Variants in MYO18A observed in about 807,000 individuals in gnomAD.
MYO18A encodes the protein myosin XVIIIA, also known as unconventional myosin-XVIIIa.
MYO18A carries 78 observed loss-of-function variants against 235.8 expected under a neutral mutation model. That is an observed-to-expected ratio of 0.33 (90% CI 0.28 to 0.40). The LOEUF (loss-of-function observed/expected upper bound fraction) is 0.40. Ranked by LOEUF, MYO18A falls within the 10% of genes least tolerant of loss-of-function variation. The probability of loss-of-function intolerance (pLI) is 1.00; values close to 1 mark genes in which losing one functional copy is unlikely to be tolerated. For synonymous variants in MYO18A, 977 were observed against 1,077.8 expected (o/e 0.91, Z 1.83); for missense variants, 2,215 against 2,699.3 (o/e 0.82, Z 3.98).
At chr17:29,142,179 G>A (rs1449325017) in intron 2 of MYO18A, among the ~76,000 whole-genome samples, 2 of 152,182 alleles carry the variant, frequency 1.3e-5, no homozygotes, top group Non-Finnish European at 2.9e-5. Flanking sequence ...TGATCCGCCC[G>A]CCTTGGCCTC....
At chr17:29,170,257 C>A (rs1377822055) in intron 1 of MYO18A, among the ~76,000 whole-genome samples, 2 of 152,204 alleles carry the variant, frequency 1.3e-5, no homozygotes, top group African/African-American at 4.8e-5. Context: ...CCCTCACCAC[C>A]CCTGTCCTGC....
intron 32 of MYO18A, among the ~76,000 whole-genome samples, 156 bp from the exon 33 acceptor site, chr17:29,093,157 G>A (rs1174096733): frequency 6.6e-6 from 1 of 152,160 alleles, no homozygotes; most frequent in East Asian, 1.9e-4. Flanking sequence ...GGCTGGGTGT[G>A]CCAATGTATG....
At chr17:29,085,527 C>T (rs2066231970) in intron 40 of MYO18A, 77 bp downstream of exon 40, 1 of 1,387,210 alleles carries the variant, frequency 7.2e-7, no homozygotes, top group Non-Finnish European at 1.0e-6. Flanking sequence ...TGCAGCGGCC[C>T]CAGGGTGGGA....
chr17:29,115,857 G>A lies in MYO18A; in HGVS notation c.2051-17C>T, dbSNP rs200222100. 47 of 1,566,516 alleles carry A rather than the reference G, an allele frequency of 3.0e-5. 1 individual carries two copies. In the African/African-American group the frequency reaches 5.6e-4, roughly 19 times the overall value. On this transcript the variant is annotated splice_polypyrimidine_tract_variant and intron_variant, in intron 11 of 41. Transcript: ENST00000527372. The stretch of plus-strand genomic sequence containing the variant: ...TGCGCCCAGCTGTGGAGTGGAAAAA[G>A]GGATCTGGCATCCTGGGTCTTTTTC...
intron 2 of MYO18A, among the ~76,000 whole-genome samples, chr17:29,154,099 A>AGT (rs200703096): frequency 0.017 from 2,501 of 149,368 alleles, 71 homozygotes; most frequent in African/African-American, 0.059. Flanking sequence ...TAAATTCTGC[A>AGT]GAGTGTGTGT....
chr17:29,083,509 C>T (rs1288101671), intron 40 of MYO18A, among the ~76,000 whole-genome samples: 1 of 121,056 alleles, frequency 8.3e-6, no homozygotes, highest in Non-Finnish European at 1.7e-5. Flanking sequence ...TAAACAGCCA[C>T]ACAGGCATGT....
At chr17:29,145,483 T>C (rs1193515555) in intron 2 of MYO18A, among the ~76,000 whole-genome samples, 1 of 152,190 alleles carries the variant, frequency 6.6e-6, no homozygotes, top group African/African-American at 2.4e-5. Context: ...CGTTCACTTA[T>C]TCAACTAGCT....
rs567671547 is a variant in MYO18A at position 29,111,859 on chromosome 17, C to T, written c.2603G>A (p.Arg868His). Reference protein sequence around the residue: ...VDQASHQSLVRSLARTDEARG... With the variant: ...VDQASHQSLVHSLARTDEARG... ...CGCCTCGTCTGTGCGGGCCAGCGAG[C>T]GGACCTACAGAGAAGGAAGGAAATC... Residue 868 changes from arginine (R) to histidine (H), a missense_variant, in exon 16 of 42, where the codon CGC (arginine) becomes CAC (histidine). By Grantham distance (29) the Arg-to-His change is conservative. Transcript: ENST00000527372. This position sits in a 1 kb window ranked among gnomAD's most constrained non-coding sequence, Gnocchi z 5.1. 1.2e-5 allele frequency: 19 copies of T among 1,610,646 alleles called. No individual in the cohort carries two copies. The South Asian group carries it at 1.5e-4, about 13-fold the overall frequency.
At chr17:29,089,704 C>G (rs1043832729) in intron 37 of MYO18A, among the ~76,000 whole-genome samples, 6 of 152,152 alleles carry the variant, frequency 3.9e-5, no homozygotes, top group Non-Finnish European at 7.4e-5. Context: ...AATATGAAGA[C>G]GAAGAGCTAA....
chr17:29,170,457 C>T (rs1269074342), intron 1 of MYO18A, among the ~76,000 whole-genome samples: 2 of 152,306 alleles, frequency 1.3e-5, no homozygotes, highest in East Asian at 1.9e-4. Flanking sequence ...CTTTCCGGCA[C>T]CTCCTGGCCT....
intron 1 of MYO18A, among the ~76,000 whole-genome samples, chr17:29,178,290 G>A (rs1567654165): frequency 6.6e-6 from 1 of 152,146 alleles, no homozygotes; most frequent in Non-Finnish European, 1.5e-5. Context: ...CAGGCCAGGA[G>A]AGAGTAAACA....
chr17:29,121,831 C>G lies in MYO18A; in HGVS notation c.1194+20G>C, dbSNP rs2067207538. On this transcript the variant is annotated intron_variant, in intron 4 of 41. Transcript: ENST00000527372. This position sits in a 1 kb window ranked among gnomAD's most constrained non-coding sequence, Gnocchi z 4.2. The stretch of plus-strand genomic sequence containing the variant: ...CACTCCTGAGCCTCCTCCCCCACAC[C>G]CAGCCCCCTGCCCACCTACCTTCTC... 6.2e-7 allele frequency: 1 copy of G among 1,613,464 alleles called. No homozygotes were observed. The highest frequency in any genetic ancestry group is 1.3e-5 in the African/African-American group (1 of 74,918).
Position 29,109,897 on chromosome 17 carries a change from C to G in MYO18A, c.3292G>C (p.Gly1098Arg). 1 of 1,574,200 alleles carries G rather than the reference C, an allele frequency of 6.4e-7. No individual in the cohort carries two copies. The highest frequency in any genetic ancestry group is 8.6e-7 in the Non-Finnish European group (1 of 1,159,898). Residue 1098 changes from glycine to arginine, a missense_variant, in exon 19 of 42, where the codon GGC (glycine) becomes CGC (arginine). Gly to Arg is a moderately radical substitution (Grantham distance 125). Transcript: ENST00000527372. The surrounding 1 kb of genome is among the most constrained non-coding windows in gnomAD (Gnocchi z 4.1). Reference protein sequence around the residue: ...DVPLLRTQLRGSRLLDAMRMY... With the variant: ...DVPLLRTQLRRSRLLDAMRMY... ...CGCATGGCATCGAGCAGGCGGGAGC[C>G]GCGGAGCTGGGTGCGGAGCAGGGGC...
At position 29,121,182 on chromosome 17, in the gene MYO18A, C is replaced by T. The variant is rs762853580; in HGVS notation, c.1401G>A (p.Arg467=). 1 of 1,609,350 alleles carries T rather than the reference C, an allele frequency of 6.2e-7. No individual in the cohort carries two copies. The highest frequency in any genetic ancestry group is 1.1e-5 in the South Asian group (1 of 89,938). Residue 467 remains arginine, a synonymous_variant, in exon 6 of 42, where the codon CGG becomes CGA. Transcript: ENST00000527372. The surrounding 1 kb of genome is among the most constrained non-coding windows in gnomAD (Gnocchi z 4.2). ...CATAGATGTGGGGTGCCATGTCCTCCCGCCGACAACCCTTGAACATGTGCA... is the reference window on the plus strand; with the variant it reads ...CATAGATGTGGGGTGCCATGTCCTCTCGCCGACAACCCTTGAACATGTGCA... The part of the protein sequence containing the change: ...KVMHMFKGCR[R]EDMAPHIYAV...
At position 29,074,277 on chromosome 17, in the gene MYO18A, T is replaced by G; in HGVS notation, c.*493A>C. On this transcript the variant is annotated 3_prime_UTR_variant, in exon 42 of 42. Coordinates refer to ENST00000527372, the MANE Select transcript of MYO18A (RefSeq NM_078471.4). The surrounding 1 kb of genome is among the most constrained non-coding windows in gnomAD (Gnocchi z 4.4). ...CAGGGATGCAGCTGTGATGGAGAGGTTGGGTATTTAAATTAAAAAGTAGAA... is the reference window on the plus strand; with the variant it reads ...CAGGGATGCAGCTGTGATGGAGAGGGTGGGTATTTAAATTAAAAAGTAGAA... 1 of 1,322,746 alleles carries G rather than the reference T, an allele frequency of 7.6e-7. No homozygotes were observed. The highest frequency in any genetic ancestry group is 1.0e-6 in the Non-Finnish European group (1 of 968,358). 81.9% of individuals were successfully genotyped at this position (1,322,746 alleles called of 1,614,324 possible). A position where few individuals can be genotyped will look rare whatever the true frequency, so the allele number is the denominator to read the frequency against.
intron 40 of MYO18A, among the ~76,000 whole-genome samples, chr17:29,085,239 CT>C (rs1555622672): frequency 6.6e-6 from 1 of 152,262 alleles, no homozygotes; most frequent in Admixed American, 6.5e-5. Context: ...CCCAAACAGA[CT>C]TTTCCCCCCA....
At position 29,126,272 on chromosome 17, in the gene MYO18A, C is replaced by G. The variant is rs1483429138; in HGVS notation, c.1000-4019G>C. On this transcript the variant is annotated intron_variant, in intron 2 of 41. Transcript: ENST00000527372. This position sits in a 1 kb window ranked among gnomAD's most constrained non-coding sequence, Gnocchi z 4.1. Reference sequence around the variant, plus strand: ...GGCTAAACTCCAGGTCAGGGCATGTCTCAGCTCCCATCTCCTCCCTTGTGA... The same window carrying G: ...GGCTAAACTCCAGGTCAGGGCATGTGTCAGCTCCCATCTCCTCCCTTGTGA... Among the ~76,000 whole-genome samples the G allele has an allele frequency of 2.7e-5, 4 of 148,854 alleles. No homozygotes were observed. Among genetic ancestry groups the G allele is most frequent in the African/African-American group, 9.8e-5 (4 of 40,696 alleles).
At chr17:29,087,961 C>G (rs527420887) in intron 37 of MYO18A, among the ~76,000 whole-genome samples, 1 of 152,006 alleles carries the variant, frequency 6.6e-6, no homozygotes, top group African/African-American at 2.4e-5. Context: ...GCTTTGTGAC[C>G]TTAGGCAACC....
intron 1 of MYO18A, among the ~76,000 whole-genome samples, 178 bp from the exon 2 acceptor site, chr17:29,167,199 T>A (rs1169390489): frequency 6.6e-6 from 1 of 152,264 alleles, no homozygotes; most frequent in Non-Finnish European, 1.5e-5. Flanking sequence ...CTATAGGTAG[T>A]TACTATTATT....
Sources: gnomAD v4.1 joint callset for allele counts (sites outside exome capture counted in the v4.1 genomes callset) on GRCh38, gnomAD v4.1.1 for gene constraint, Gnocchi (gnomAD v3.1) non-coding constraint, MANE v1.5 for transcripts, NCBI Gene and HGNC (gene_info 2026-07-23, HGNC 2026-07-21) for gene names.